The following ZNF704 variants were observed in gnomAD, a reference collection of about 807,000 sequenced individuals.
ZNF704 encodes the protein glucocorticoid induced gene 1.
Under a neutral mutation model 44.7 loss-of-function variants are expected in ZNF704, and 10 were observed. The observed-to-expected ratio is 0.22, with a 90% CI of 0.14 to 0.38. The LOEUF (loss-of-function observed/expected upper bound fraction) is 0.38. Among genes scored for constraint, ZNF704 ranks in the 10% least tolerant of loss-of-function variants. The probability of loss-of-function intolerance (pLI) is 1.00; values close to 1 mark genes in which losing one functional copy is unlikely to be tolerated. For synonymous variants in ZNF704, 211 were observed against 207.6 expected (o/e 1.02, Z -0.14); for missense variants, 390 against 545.5 (o/e 0.71, Z 2.84).
chr8:80,646,580 G>C (rs1173990221), intron 7 of ZNF704, among the ~76,000 whole-genome samples: 1 of 152,166 alleles, frequency 6.6e-6, no homozygotes, highest in East Asian at 1.9e-4. Context: ...TGCTAAAGTT[G>C]GGTGGAGCAA....
chr8:80,735,756 C>T (rs1358433793), intron 2 of ZNF704, among the ~76,000 whole-genome samples: 1 of 152,196 alleles, frequency 6.6e-6, no homozygotes, highest in Non-Finnish European at 1.5e-5. Context: ...CTCCTCCACA[C>T]TAATTGTAGG....
chr8:80,644,925 T>C, intron 7 of ZNF704: 2 of 1,015,558 alleles, frequency 2.0e-6, no homozygotes. Flanking sequence ...AAAAGCAGCT[T>C]GCCAGCTTCA....
intron 2 of ZNF704, among the ~76,000 whole-genome samples, chr8:80,738,265 G>T (rs1806697990): frequency 6.6e-6 from 1 of 152,040 alleles, no homozygotes; most frequent in Non-Finnish European, 1.5e-5. Flanking sequence ...GTCTTCCTTG[G>T]AAGCCAGTCA....
chr8:80,665,150 T>G, intron 5 of ZNF704, 68 bp from the exon 6 acceptor site: 1 of 1,542,064 alleles, frequency 6.5e-7, no homozygotes, highest in Non-Finnish European at 8.9e-7. Context: ...ATCTTGCACA[T>G]GCATTTCCCC....
chr8:80,654,014 G>A (rs368434588), intron 7 of ZNF704, among the ~76,000 whole-genome samples: 45 of 152,120 alleles, frequency 3.0e-4, no homozygotes, highest in African/African-American at 8.2e-4. Flanking sequence ...GGAACAGAAC[G>A]GAGCCCTCAG....
At chr8:80,863,982 T>C (rs925774353) in intron 1 of ZNF704, among the ~76,000 whole-genome samples, 1 of 152,218 alleles carries the variant, frequency 6.6e-6, no homozygotes, top group African/African-American at 2.4e-5. Flanking sequence ...TCCCACACCC[T>C]CCTGTCTTCC....
chr8:80,725,635 AGAT>A (rs965382606), intron 2 of ZNF704, among the ~76,000 whole-genome samples: 2 of 152,164 alleles, frequency 1.3e-5, no homozygotes, highest in African/African-American at 4.8e-5. Flanking sequence ...GATTTGTCCA[AGAT>A]GATGATGTCA....
At chr8:80,721,521 G>C (rs1435386212) in intron 2 of ZNF704, among the ~76,000 whole-genome samples, 1 of 152,136 alleles carries the variant, frequency 6.6e-6, no homozygotes, top group Non-Finnish European at 1.5e-5. Flanking sequence ...AAGGTATTCT[G>C]AGAATTGTTT....
At chr8:80,698,741 G>A (rs1002481897) in intron 2 of ZNF704, among the ~76,000 whole-genome samples, 4 of 152,226 alleles carry the variant, frequency 2.6e-5, no homozygotes, top group South Asian at 2.1e-4. Flanking sequence ...TCAGCGCAGT[G>A]CGCAGCATCA....
At chr8:80,654,283 A>C (rs1817972167) in intron 7 of ZNF704, among the ~76,000 whole-genome samples, 2 of 152,230 alleles carry the variant, frequency 1.3e-5, no homozygotes, top group African/African-American at 2.4e-5. Flanking sequence ...GGCATGGACA[A>C]GGACTTCATG....
At chr8:80,828,627 T>C (rs1808419445) in intron 1 of ZNF704, among the ~76,000 whole-genome samples, 1 of 152,146 alleles carries the variant, frequency 6.6e-6, no homozygotes, top group African/African-American at 2.4e-5. Flanking sequence ...TAATTTTCGG[T>C]AGGAGAAAAA....
At chr8:80,685,248 G>A (rs113534464) in intron 4 of ZNF704, among the ~76,000 whole-genome samples, 7,527 of 152,104 alleles carry the variant, frequency 0.049, 234 homozygotes, top group Middle Eastern at 0.096. Context: ...TTCCATATGA[G>A]GCTAACAAGT....
chr8:80,721,511 A>C (rs1819166832), intron 2 of ZNF704, among the ~76,000 whole-genome samples: 1 of 152,194 alleles, frequency 6.6e-6, no homozygotes, highest in Non-Finnish European at 1.5e-5. Context: ...AGTATGCCTA[A>C]AGGTATTCTG....
At chr8:80,681,748 T>C (rs1585948427) in intron 4 of ZNF704, among the ~76,000 whole-genome samples, 1 of 152,268 alleles carries the variant, frequency 6.6e-6, no homozygotes, top group East Asian at 1.9e-4. Flanking sequence ...TAAAAGTGCA[T>C]CTCATCTTTG....
upstream of ZNF704, among the ~76,000 whole-genome samples, chr8:80,875,678 G>A (rs765124398): frequency 1.3e-5 from 2 of 152,160 alleles, no homozygotes; most frequent in Non-Finnish European, 2.9e-5. Context: ...AGGATCTTAC[G>A]CATCAAATAC....
intron 4 of ZNF704, among the ~76,000 whole-genome samples, chr8:80,686,997 G>A (rs2131631144): frequency 6.6e-6 from 1 of 152,302 alleles, no homozygotes; most frequent in South Asian, 2.1e-4. Context: ...GAGGATGGAT[G>A]GGATACGTGT....
At chr8:80,757,796 C>A (rs1408971074) in intron 2 of ZNF704, among the ~76,000 whole-genome samples, 1 of 152,100 alleles carries the variant, frequency 6.6e-6, no homozygotes, top group South Asian at 2.1e-4. Context: ...TGCAGTATTC[C>A]GTACAATAAC....
chr8:80,812,000 T>C (rs1251131989), intron 2 of ZNF704: 1 of 152,376 alleles, frequency 6.6e-6, no homozygotes, highest in Non-Finnish European at 1.5e-5. Flanking sequence ...TGTAATGCAC[T>C]TGAATCATCC....
intron 7 of ZNF704, among the ~76,000 whole-genome samples, chr8:80,651,013 A>T (rs1053156428): frequency 1.3e-5 from 2 of 152,256 alleles, no homozygotes; most frequent in African/African-American, 4.8e-5. Flanking sequence ...GCCAATATTC[A>T]ACATTCTTAA....
Sources: gnomAD v4.1 joint callset for allele counts (sites outside exome capture counted in the v4.1 genomes callset) on GRCh38, gnomAD v4.1.1 for gene constraint, MANE v1.5 for transcripts, NCBI Gene and HGNC (gene_info 2026-07-23, HGNC 2026-07-21) for gene names.